The following TESPA1 variants were observed in gnomAD, a reference collection of about 807,000 sequenced individuals.
The protein encoded by TESPA1 is thymocyte expressed, positive selection associated 1.
A neutral mutation model predicts 57.9 loss-of-function variants in TESPA1; 33 were observed. The observed-to-expected ratio is 0.57, with a 90% CI of 0.43 to 0.76. The LOEUF is 0.76. Ranked by LOEUF, TESPA1 falls within the 30% of genes least tolerant of loss-of-function variation. The pLI is 0.00. For missense variants in TESPA1, 618 were observed against 632.9 expected (o/e 0.98, Z 0.25); for synonymous variants, 227 against 228.9 (o/e 0.99, Z 0.07).
chr12:54,980,181 G>A lies in TESPA1; in HGVS notation c.-46+4404C>T, dbSNP rs116145463. On this transcript the variant is annotated intron_variant, in intron 1 of 10. Coordinates refer to ENST00000449076, the MANE Select transcript of TESPA1 (RefSeq NM_001136030.3). ...GTTATTTTAGTAAATTCTCCATTTT[G>A]CATCTATGTAAGCTCTCCATCTTAT... Among the ~76,000 whole-genome samples, 439 of 152,242 alleles carry A rather than the reference G, an allele frequency of 2.9e-3. 1 individual carries two copies. The highest frequency in any genetic ancestry group is 9.1e-3 in the African/African-American group (376 of 41,538).
rs1176397379 is a variant in TESPA1, at chr12:54,966,404, C to T, written c.331G>A (p.Gly111Ser). The T allele has an allele frequency of 6.2e-7, 1 of 1,613,726 alleles. No homozygotes were observed. Among genetic ancestry groups the T allele is most frequent in the Non-Finnish European group, 8.5e-7 (1 of 1,179,762 alleles). The change falls in exon 6 of 11, where the codon GGC (glycine) becomes AGC (serine). Residue 111 changes from glycine to serine, a missense_variant. This residue lies in a region of TESPA1 where 199 missense variants were observed against 184.0 expected (regional missense o/e 1.08). Transcript: ENST00000449076. ...GAEATLLAAN[G>S]KLFSRSFLET... The stretch of plus-strand genomic sequence containing the variant: ...AACACTTACCTGGAGAAGAGTTTGC[C>T]ATTGGCGGCCAGTAGTGTGGCTGGA...
intron 3 of TESPA1, chr12:54,968,103 T>TCTAAA: frequency 5.7e-6 from 7 of 1,229,648 alleles, no homozygotes; most frequent in African/African-American, 1.5e-5. Context: ...GAATGCACTA[T>TCTAAA]ATTTTAGATT....
chr12:54,956,842 G>A (rs1210804265), intron 10 of TESPA1, among the ~76,000 whole-genome samples: 2 of 152,136 alleles, frequency 1.3e-5, no homozygotes, highest in Non-Finnish European at 2.9e-5. Flanking sequence ...AGATGGAGGG[G>A]GAAGACAGCG....
chr12:54,957,436 C>T (rs561657027), intron 10 of TESPA1, among the ~76,000 whole-genome samples: 2 of 152,340 alleles, frequency 1.3e-5, no homozygotes, highest in East Asian at 1.9e-4. Flanking sequence ...TCCCACTTAG[C>T]TCTGCCTTTG....
Position 54,948,327 on chromosome 12 carries a change from AG to A in TESPA1, c.*2064del. Reference sequence around the variant, plus strand: ...ATCTGGATGTATACATGCAGGTCACAGGGGATATGATGGCTTAGCTTGGGCT... The same window carrying A: ...ATCTGGATGTATACATGCAGGTCACAGGGATATGATGGCTTAGCTTGGGCT... On this transcript the variant is annotated 3_prime_UTR_variant, in exon 11 of 11. Coordinates refer to ENST00000449076, the MANE Select transcript of TESPA1 (RefSeq NM_001136030.3). 5.4e-6 allele frequency: 1 copy of A among 185,148 alleles called. No individual in the cohort carries two copies. The highest frequency in any genetic ancestry group is 1.1e-5 in the Non-Finnish European group (1 of 91,354). The allele number at this position is 185,148 out of a possible 1,614,324, so 11.5% of individuals were successfully genotyped here.
At chr12:54,955,263 ACTT>A (rs1184968381) in intron 10 of TESPA1, among the ~76,000 whole-genome samples, 2 of 152,222 alleles carry the variant, frequency 1.3e-5, no homozygotes, top group African/African-American at 2.4e-5. Context: ...TATATGAGAA[ACTT>A]CTTCAACTTA....
chr12:54,962,978 G>T lies in TESPA1; in HGVS notation c.920C>A (p.Pro307His). 2 of 1,613,368 alleles carry T rather than the reference G, an allele frequency of 1.2e-6. No homozygotes were observed. Among genetic ancestry groups the T allele is most frequent in the Middle Eastern group, 1.7e-4 (1 of 6,060 alleles). ...RDRPPPPHNT[P>H]KRNSLDQVVL... is the part of the protein sequence containing the mutation. ...AACTTGGTCCAAACTGTTCCTTTTG[G>T]GGGTGTTGTGGGGTGGTGGTGGCCG... The change falls in exon 9 of 11, where the codon CCC becomes CAC. Residue 307 changes from proline (P) to histidine (H), a missense_variant. By Grantham distance (77) the Pro-to-His change is moderately conservative. Coordinates refer to ENST00000449076, the MANE Select transcript of TESPA1 (RefSeq NM_001136030.3).
chr12:54,974,303 G>C, intron 2 of TESPA1, 97 bp downstream of exon 2: 2 of 1,141,258 alleles, frequency 1.8e-6, no homozygotes, highest in Non-Finnish European at 2.4e-6. Context: ...TGAGGGCCTG[G>C]CTAAACAAGG....
chr12:54,965,465 G>A (rs61956829), intron 7 of TESPA1, among the ~76,000 whole-genome samples: 2,733 of 152,248 alleles, frequency 0.018, 28 homozygotes, highest in Middle Eastern at 0.027. Flanking sequence ...CTGTTCCTGT[G>A]TTAGTTTGCT....
At chr12:54,967,366 T>A in intron 4 of TESPA1, 130 bp from the exon 5 acceptor site, 1 of 985,738 alleles carries the variant, frequency 1.0e-6, no homozygotes, top group Non-Finnish European at 1.5e-6. Flanking sequence ...ATAATCATAC[T>A]AGATACCCAC....
At chr12:54,976,552 AGGAG>A (rs372109874) in intron 1 of TESPA1, among the ~76,000 whole-genome samples, 36 of 142,462 alleles carry the variant, frequency 2.5e-4, no homozygotes, top group Middle Eastern at 3.5e-3. Context: ...GAGGAAAAGA[AGGAG>A]GGAGGGAGGG....
At chr12:54,966,274 A>C in intron 6 of TESPA1, 114 bp downstream of exon 6, 1 of 1,583,946 alleles carries the variant, frequency 6.3e-7, no homozygotes, top group Non-Finnish European at 8.7e-7. Context: ...GTTCGTTGGA[A>C]AGTCTCACTC....
At chr12:54,953,706 G>C (rs1950546471) in intron 10 of TESPA1, among the ~76,000 whole-genome samples, 1 of 151,916 alleles carries the variant, frequency 6.6e-6, no homozygotes, top group Admixed American at 6.6e-5. Context: ...ATTTTTAGTA[G>C]AGACGGGGTT....
chr12:54,977,975 G>A (rs943029630), intron 1 of TESPA1, among the ~76,000 whole-genome samples: 3 of 152,248 alleles, frequency 2.0e-5, no homozygotes, highest in South Asian at 2.1e-4. Flanking sequence ...AGTGGTAATA[G>A]GAGGAAGCTG....
intron 1 of TESPA1, among the ~76,000 whole-genome samples, chr12:54,978,013 T>G (rs1952195055): frequency 6.6e-6 from 1 of 152,002 alleles, no homozygotes; most frequent in African/African-American, 2.4e-5. Context: ...AAACCGTTTT[T>G]TTTTTGTTTT....
Position 54,966,444 on chromosome 12 carries a change from G to A in TESPA1, c.311-20C>T. On this transcript the variant is annotated intron_variant, in intron 5 of 10. Transcript: ENST00000449076. ...GTGTGGCTGGACAAGAAACAGAGAAGCAAAGAGCAAATTAGAAGGGAAAAT... is the reference window on the plus strand; with the variant it reads ...GTGTGGCTGGACAAGAAACAGAGAAACAAAGAGCAAATTAGAAGGGAAAAT... 6.2e-7 allele frequency: 1 copy of A among 1,610,714 alleles called. No homozygotes were observed. The highest frequency in any genetic ancestry group is 8.5e-7 in the Non-Finnish European group (1 of 1,178,722).
chr12:54,971,038 C>G lies in TESPA1; in HGVS notation c.206+2439G>C, dbSNP rs117387611. Among the ~76,000 whole-genome samples the G allele has an allele frequency of 2.0e-4, 30 of 152,270 alleles. No individual in the cohort carries two copies. The East Asian group carries it at 5.6e-3, about 28-fold the overall frequency. ...TTTGCAAAGACATGCATGATCAGAT[C>G]CTGTGGCAGAATAGTCGGCCGCTAG... On this transcript the variant is annotated intron_variant, in intron 3 of 10. Transcript: ENST00000449076.
chr12:54,963,172 A>C lies in TESPA1; in HGVS notation c.726T>G (p.Ser242=), dbSNP rs1314728854. The part of the protein sequence containing the change: ...DAFFCLYSYV[S]KTPVQKFTPS... ...GTGTGAACTTTTGGACAGGTGTCTT[A>C]GACACATAGGAGTAGAGACAGAAGA... The change falls in exon 9 of 11, where the codon TCT becomes TCG. Residue 242 remains serine (S), a synonymous_variant. Coordinates refer to ENST00000449076, the MANE Select transcript of TESPA1 (RefSeq NM_001136030.3). The C allele has an allele frequency of 3.1e-6, 5 of 1,613,884 alleles. No homozygotes were observed. The South Asian group carries it at 4.4e-5, about 14-fold the overall frequency.
rs115461444 is a variant in TESPA1 at position 54,968,632 on chromosome 12, A to G, written c.207-740T>C. Among the ~76,000 whole-genome samples, 671 of 152,284 alleles carry G rather than the reference A, an allele frequency of 4.4e-3. 5 individuals are homozygous for G. The highest frequency in any genetic ancestry group is 0.015 in the African/African-American group (614 of 41,554). On this transcript the variant is annotated intron_variant, in intron 3 of 10. Transcript: ENST00000449076. The stretch of plus-strand genomic sequence containing the variant: ...GGCTCATTGTGGCTGTTTTGTTCTC[A>G]AATATTACGTAAGGGAATTTGGAAC...
Sources: allele counts gnomAD v4.1 joint callset (sites outside exome capture counted in the v4.1 genomes callset), GRCh38; gene constraint gnomAD v4.1.1; regional missense constraint gnomAD v4.1.1; transcripts MANE v1.5; gene names NCBI Gene and HGNC (gene_info 2026-07-23, HGNC 2026-07-21).